PRRT4: variants seen among roughly 807,000 people sequenced by gnomAD.
PRRT4 encodes the protein proline rich transmembrane protein 4.
In PRRT4, 59 loss-of-function variants were observed where a neutral mutation model predicts 55.6. The ratio of observed to expected loss-of-function variants is 1.06; its 90% CI spans 0.86 to 1.32. The LOEUF is 1.32. Ranked by LOEUF, PRRT4 falls within the 40% of genes most tolerant of loss-of-function variation. The pLI is 0.00. For missense variants in PRRT4, 1,217 were observed against 1,222.0 expected (o/e 1.00, Z 0.06); for synonymous variants, 606 against 601.8 (o/e 1.01, Z -0.10).
chr7:128,355,789 C>T (rs1025184316), intron 4 of PRRT4, among the ~76,000 whole-genome samples: 4 of 152,194 alleles, frequency 2.6e-5, no homozygotes, highest in African/African-American at 9.7e-5. Flanking sequence ...CCACGGTCTG[C>T]CCCAGCCTGT....
At chr7:128,359,853 T>A (rs1469428540) in exon 2 of PRRT4, 5 of 1,493,426 alleles carry the variant, frequency 3.3e-6, no homozygotes, top group Non-Finnish European at 4.5e-6. Context: ...AGAGACAGCA[T>A]AGAGGCCTCA....
At chr7:128,352,640 G>A (rs1797021850) in exon 5 of PRRT4, 3 of 1,538,740 alleles carry the variant, frequency 1.9e-6, no homozygotes, top group South Asian at 1.2e-5. Context: ...CTGGCGGGAG[G>A]AGAGAGGTCA....
chr7:128,351,394 CG>C lies in PRRT4; in HGVS notation c.2161del (p.Arg721AlafsTer170). On this transcript the variant is annotated frameshift_variant, in exon 5 of 5. Transcript: ENST00000535159. LOFTEE classifies it high-confidence loss of function. ...TCGCAGGTTGATTGGGGAGGGCGGG[CG>C]GAAGTCCACGGTGTAATCGCTGCAG... is the stretch of plus-strand genomic sequence containing the variant. The C allele has an allele frequency of 6.5e-7, 1 of 1,541,522 alleles. No homozygotes were observed. The highest frequency in any genetic ancestry group is 8.8e-7 in the Non-Finnish European group (1 of 1,142,818).
intron 4 of PRRT4, among the ~76,000 whole-genome samples, chr7:128,354,647 CAT>C (rs901498479): frequency 1.8e-4 from 27 of 151,498 alleles, no homozygotes; most frequent in African/African-American, 6.3e-4. Flanking sequence ...AAACAAAAAA[CAT>C]AAGAGTTCTG....
At position 128,359,678 on chromosome 7, in the gene PRRT4, G is replaced by A. The variant is rs939197862; in HGVS notation, c.314C>T (p.Ser105Phe). 1.9e-6 allele frequency: 3 copies of A among 1,551,190 alleles called. No individual in the cohort carries two copies. In the African/African-American group the frequency reaches 4.1e-5, roughly 21 times the overall value. ...CCACTCAGTGAGAGAGTTCCCTGAG[G>A]AGCCCACCAGCAATTCCCAAAGGGG... The change falls in exon 2 of 5, where the codon TCC becomes TTC. Residue 105 changes from serine (S) to phenylalanine (F), a missense_variant. Ser to Phe is a radical substitution (Grantham distance 155). Coordinates refer to ENST00000535159, the Ensembl canonical transcript of PRRT4.
chr7:128,355,434 G>A (rs1797092980), intron 4 of PRRT4, among the ~76,000 whole-genome samples: 1 of 152,166 alleles, frequency 6.6e-6, no homozygotes, highest in Non-Finnish European at 1.5e-5. Flanking sequence ...CTGACCTTGT[G>A]ATCCACCTGC....
At chr7:128,351,690 C>G (rs780601378) in exon 5 of PRRT4, 61 of 1,506,800 alleles carry the variant, frequency 4.0e-5, no homozygotes, top group South Asian at 3.7e-4. Flanking sequence ...TGCAGAGCGC[C>G]GGGTAGAGGC....
intron 4 of PRRT4, among the ~76,000 whole-genome samples, chr7:128,355,251 A>G (rs2116469401): frequency 6.6e-6 from 1 of 152,290 alleles, no homozygotes; most frequent in East Asian, 1.9e-4. Context: ...AGGCTGGAGT[A>G]CAGTGGCATG....
exon 5 of PRRT4, chr7:128,351,210 G>A (rs1055872504): frequency 1.0e-5 from 16 of 1,540,570 alleles, no homozygotes; most frequent in African/African-American, 1.4e-5. Flanking sequence ...GCGCAGCGGG[G>A]CCAGAGGCCT....
chr7:128,359,312 C>T (rs988059481), intron 2 of PRRT4, 28 bp downstream of exon 3: 26 of 1,515,950 alleles, frequency 1.7e-5, no homozygotes, highest in Admixed American at 4.5e-5. Flanking sequence ...CCAGCAGGGG[C>T]TTTCCTTGGG....
chr7:128,359,877 G>C (rs775257164), exon 2 of PRRT4: 9 of 1,471,668 alleles, frequency 6.1e-6, no homozygotes, highest in South Asian at 5.6e-5. Context: ...TGAGGTACGG[G>C]GGTCAAAGTG....
At chr7:128,353,692 T>TG (rs745550106) in intron 4 of PRRT4, among the ~76,000 whole-genome samples, 14 of 152,166 alleles carry the variant, frequency 9.2e-5, no homozygotes, top group Non-Finnish European at 2.9e-5. Flanking sequence ...GACATTGAGA[T>TG]GGACTCCCCC....
At chr7:128,360,321 C>T (rs987839631) in intron 1 of PRRT4, among the ~76,000 whole-genome samples, 1 of 152,188 alleles carries the variant, frequency 6.6e-6, no homozygotes, top group Non-Finnish European at 1.5e-5. Context: ...AACCAGGGGC[C>T]CTCATCCTTA....
chr7:128,351,472 C>A, exon 5 of PRRT4: 1 of 1,520,412 alleles, frequency 6.6e-7, no homozygotes, highest in Non-Finnish European at 8.8e-7. Context: ...TTCGAAGCCC[C>A]GGCAACCTCC....
intron 4 of PRRT4, among the ~76,000 whole-genome samples, chr7:128,357,394 G>A (rs757498159): frequency 9.2e-5 from 14 of 152,080 alleles, no homozygotes; most frequent in Non-Finnish European, 1.8e-4. Context: ...AATGAGGTGG[G>A]GCCGCCAGCC....
chr7:128,350,927 G>A lies in PRRT4; in HGVS notation c.2629C>T (p.Gln877Ter). ...CGGCAGGCGTCCAGGAACTGCTCCT[G>A]CAGCAAGGCCTCCTCGGCCTGCAGC... The change falls in exon 5 of 5, where the codon CAG (glutamine) becomes TAG (stop). Residue 877 changes from glutamine (Q) to a stop codon, truncating the protein, a stop_gained. Coordinates refer to ENST00000535159, the Ensembl canonical transcript of PRRT4. LOFTEE classifies it high-confidence loss of function. 1 of 1,550,932 alleles carries A rather than the reference G, an allele frequency of 6.4e-7. No homozygotes were observed. Among genetic ancestry groups the A allele is most frequent in the Non-Finnish European group, 8.7e-7 (1 of 1,146,986 alleles).
exon 5 of PRRT4, chr7:128,352,556 C>T (rs1195256926): frequency 6.5e-7 from 1 of 1,544,790 alleles, no homozygotes; most frequent in East Asian, 2.4e-5. Flanking sequence ...GGAGGCTGCC[C>T]CTCGCGTTCA....
chr7:128,353,972 G>T (rs1225120427), intron 4 of PRRT4, among the ~76,000 whole-genome samples: 5 of 152,132 alleles, frequency 3.3e-5, no homozygotes, highest in Middle Eastern at 6.3e-3. Flanking sequence ...TTCTCCCCAG[G>T]GCCAGGCAGC....
chr7:128,359,823 T>G, exon 2 of PRRT4: 1 of 1,517,002 alleles, frequency 6.6e-7, no homozygotes, highest in Non-Finnish European at 8.9e-7. Context: ...AGATGGAATT[T>G]GAAGTTAAGT....
Sources: gnomAD v4.1 joint callset for allele counts (sites outside exome capture counted in the v4.1 genomes callset) on GRCh38, gnomAD v4.1.1 for gene constraint, MANE v1.5 for transcripts, NCBI Gene and HGNC (gene_info 2026-07-23, HGNC 2026-07-21) for gene names.